Variants in PRDM16 observed in about 807,000 individuals in gnomAD.
PRDM16 encodes the protein PR/SET domain 16, also known as histone-lysine N-methyltransferase PRDM16.
Under a neutral mutation model 110.6 loss-of-function variants are expected in PRDM16, and 23 were observed. The observed-to-expected ratio is 0.21, with a 90% confidence interval of 0.15 to 0.29. The LOEUF is 0.29. Ranked by LOEUF, PRDM16 falls within the 10% of genes least tolerant of loss-of-function variation. The pLI is 1.00. For synonymous variants in PRDM16, 799 were observed against 781.8 expected (o/e 1.02, Z -0.37); for missense variants, 1,615 against 1,794.3 (o/e 0.90, Z 1.81).
chr1:3,231,513 G>A (rs2100886937), intron 2 of PRDM16, among the ~76,000 whole-genome samples: 1 of 151,940 alleles, frequency 6.6e-6, no homozygotes, highest in Middle Eastern at 3.4e-3. Context: ...GGGATGCGGG[G>A]GTCGAGAGGT....
chr1:3,309,975 T>A (rs59127130), intron 3 of PRDM16: 11,301 of 152,268 alleles, frequency 0.074, 662 homozygotes, highest in African/African-American at 0.16. Context: ...ACCCGCCCCA[T>A]GCGAGCCTGA....
At chr1:3,326,770 C>G (rs535981057) in intron 3 of PRDM16, among the ~76,000 whole-genome samples, 8 of 152,344 alleles carry the variant, frequency 5.3e-5, no homozygotes, top group African/African-American at 1.9e-4. Flanking sequence ...TTCTGGCTCC[C>G]AAGCCCCCCA....
intron 3 of PRDM16, among the ~76,000 whole-genome samples, chr1:3,333,921 G>T (rs940298140): frequency 2.0e-5 from 3 of 152,154 alleles, no homozygotes; most frequent in Non-Finnish European, 2.9e-5. Flanking sequence ...GCTCCCTGAG[G>T]CCTCCCCTGA....
intron 1 of PRDM16, among the ~76,000 whole-genome samples, chr1:3,107,395 A>G (rs1890337): frequency 1 from 151,940 of 152,288 alleles, 75,796 homozygotes; most frequent in Middle Eastern, 1. Context: ...TACAGTGTGA[A>G]GCTTAGGGAG....
intron 3 of PRDM16, among the ~76,000 whole-genome samples, chr1:3,371,694 A>C (rs1169354542): frequency 1.3e-5 from 2 of 152,216 alleles, no homozygotes; most frequent in East Asian, 3.8e-4. Context: ...TACCATCATC[A>C]ATTAGAGGAG....
chr1:3,338,294 A>G (rs1036527296), intron 3 of PRDM16, among the ~76,000 whole-genome samples: 2 of 152,226 alleles, frequency 1.3e-5, no homozygotes, highest in African/African-American at 4.8e-5. Context: ...GTGGCCTCAG[A>G]TGAGAAGCCC....
At chr1:3,164,401 G>T (rs909337455) in intron 1 of PRDM16, among the ~76,000 whole-genome samples, 2 of 152,226 alleles carry the variant, frequency 1.3e-5, no homozygotes, top group African/African-American at 4.8e-5. Context: ...TTCTGGGAAC[G>T]ATTTCCCAGC....
intron 1 of PRDM16, among the ~76,000 whole-genome samples, chr1:3,127,434 G>A (rs528618041): frequency 8.5e-5 from 13 of 152,328 alleles, no homozygotes; most frequent in African/African-American, 2.9e-4. Flanking sequence ...TGCAGCCAAC[G>A]TATTTCATTT....
intron 3 of PRDM16, among the ~76,000 whole-genome samples, chr1:3,381,038 A>G (rs1209369765): frequency 6.6e-6 from 1 of 152,236 alleles, no homozygotes; most frequent in African/African-American, 2.4e-5. Flanking sequence ...CTCTGCCATG[A>G]CACAGAATCC....
intron 14 of PRDM16, among the ~76,000 whole-genome samples, chr1:3,428,762 C>G (rs1404261250): frequency 6.6e-6 from 1 of 151,812 alleles, no homozygotes; most frequent in Non-Finnish European, 1.5e-5. Flanking sequence ...CCTCAGCATT[C>G]CCAGGTGGAA....
chr1:3,209,890 G>A lies in PRDM16; in HGVS notation c.387+23416G>A, dbSNP rs1638841227. Among the ~76,000 whole-genome samples, 1 of 152,170 alleles carries A rather than the reference G, an allele frequency of 6.6e-6. No individual in the cohort carries two copies. The highest frequency in any genetic ancestry group is 1.5e-5 in the Non-Finnish European group (1 of 68,028). ...TTTGCCTCCTGATCTAAGGTTAACG[G>A]GGACTTCCAAAAGGTGCACCTGTGT... On this transcript the variant is annotated intron_variant, in intron 2 of 16. Coordinates refer to ENST00000270722, the MANE Select transcript of PRDM16 (RefSeq NM_022114.4). The surrounding 1 kb of genome is among the most constrained non-coding windows in gnomAD (Gnocchi z 4.6).
chr1:3,407,932 A>T (rs575039805), intron 8 of PRDM16, among the ~76,000 whole-genome samples: 1 of 152,336 alleles, frequency 6.6e-6, no homozygotes, highest in East Asian at 1.9e-4. Context: ...AAAACCCCAG[A>T]TGTGGGCAGA....
rs962487301 is a variant in PRDM16, at chr1:3,209,061, G to A, written c.387+22587G>A. Among the ~76,000 whole-genome samples the A allele has an allele frequency of 3.9e-5, 6 of 152,192 alleles. No individual in the cohort carries two copies. The highest frequency in any genetic ancestry group is 1.4e-4 in the African/African-American group (6 of 41,452). ...GGTATTTAGGGACAGAGAGCAGTGG[G>A]AATTCAGAAGGAGCTCAGAAGGGAA... On this transcript the variant is annotated intron_variant, in intron 2 of 16. Transcript: ENST00000270722. This position sits in a 1 kb window ranked among gnomAD's most constrained non-coding sequence, Gnocchi z 4.6.
In PRDM16 at chr1:3,245,134, C is replaced by T. The variant is rs781665968; in HGVS notation, c.438+997C>T. On this transcript the variant is annotated intron_variant, in intron 3 of 16. Transcript: ENST00000270722. The surrounding 1 kb of genome is among the most constrained non-coding windows in gnomAD (Gnocchi z 4.7). Reference sequence around the variant, plus strand: ...GGAGCCAGTGCTGAGTCAGTGCCTACCGAGTGCTGTTACAATTCTGTCAGA... The same window carrying T: ...GGAGCCAGTGCTGAGTCAGTGCCTATCGAGTGCTGTTACAATTCTGTCAGA... 1.3e-5 allele frequency among the ~76,000 whole-genome samples: 2 copies of T among 152,120 alleles called. No homozygotes were observed. Among genetic ancestry groups the T allele is most frequent in the Non-Finnish European group, 2.9e-5 (2 of 68,024 alleles).
At chr1:3,079,361 CATGCTGCCCTGCT>C (rs1269259841) in intron 1 of PRDM16, among the ~76,000 whole-genome samples, 9 of 151,892 alleles carry the variant, frequency 5.9e-5, no homozygotes, top group Non-Finnish European at 4.4e-5. Context: ...AGGGCTCCTT[CATGCTGCCCTGCT>C]GGCCCAGCCC....
At chr1:3,324,801 G>A (rs1399540922) in intron 3 of PRDM16, among the ~76,000 whole-genome samples, 1 of 151,322 alleles carries the variant, frequency 6.6e-6, no homozygotes, top group Non-Finnish European at 1.5e-5. Flanking sequence ...CTCGGCGAGT[G>A]AGCAGATCAG....
At chr1:3,397,968 G>A (rs1268200251) in intron 5 of PRDM16, among the ~76,000 whole-genome samples, 1 of 152,200 alleles carries the variant, frequency 6.6e-6, no homozygotes, top group African/African-American at 2.4e-5. Flanking sequence ...CAGAAGGATA[G>A]TTTAACAAGC....
chr1:3,194,590 C>CGTCTCCCCACCACACGCCACT, intron 2 of PRDM16, among the ~76,000 whole-genome samples: 2 of 141,384 alleles, frequency 1.4e-5, no homozygotes, highest in Admixed American at 6.9e-5. Context: ...CACACGCCAC[C>CGTCTCCCCACCACACGCCACT]GTCTCCCCAC....
intron 2 of PRDM16, among the ~76,000 whole-genome samples, chr1:3,221,061 G>A (rs923875201): frequency 6.6e-6 from 1 of 152,230 alleles, no homozygotes; most frequent in African/African-American, 2.4e-5. Context: ...GAGGTGGAGA[G>A]GGGGGACGGG....
Sources: gnomAD v4.1 joint callset for allele counts (sites outside exome capture counted in the v4.1 genomes callset) on GRCh38, gnomAD v4.1.1 for gene constraint, Gnocchi (gnomAD v3.1) non-coding constraint, MANE v1.5 for transcripts, NCBI Gene and HGNC (gene_info 2026-07-23, HGNC 2026-07-21) for gene names.